SLC44A1: variants seen among roughly 807,000 people sequenced by gnomAD.
SLC44A1 encodes the protein solute carrier family 44 member 1.
SLC44A1 carries 26 observed loss-of-function variants against 79.3 expected under a neutral mutation model. The ratio of observed to expected loss-of-function variants is 0.33; its 90% confidence interval spans 0.24 to 0.46. SLC44A1 has a LOEUF of 0.46. Ranked by LOEUF, SLC44A1 falls within the 20% of genes least tolerant of loss-of-function variation. The pLI, the probability that SLC44A1 is intolerant of heterozygous loss-of-function variation, is 1.00. For synonymous variants in SLC44A1, 263 were observed against 286.2 expected (o/e 0.92, Z 0.82); for missense variants, 688 against 798.1 (o/e 0.86, Z 1.66).
chr9:105,276,057 C>T (rs985967750), intron 1 of SLC44A1, among the ~76,000 whole-genome samples: 4 of 152,172 alleles, frequency 2.6e-5, no homozygotes, highest in East Asian at 1.9e-4. Flanking sequence ...CCGCCCACCT[C>T]GGTCTCCCAA....
chr9:105,309,945 TAA>T (rs1831134568), intron 3 of SLC44A1, 79 bp downstream of exon 3: 2 of 1,400,286 alleles, frequency 1.4e-6, no homozygotes, highest in Non-Finnish European at 1.9e-6. Flanking sequence ...CTTGCTGTTT[TAA>T]AGATAATATC....
Position 105,366,439 on chromosome 9 carries a change from T to A in SLC44A1, c.1494+10T>A. ...AAATTATTTAAATCAGGTAAAATATTTTAAAAATAAATCTAATATTTACTT... is the reference window on the plus strand; with the variant it reads ...AAATTATTTAAATCAGGTAAAATATATTAAAAATAAATCTAATATTTACTT... On this transcript the variant is annotated intron_variant, in intron 12 of 15. Coordinates refer to ENST00000374720, the MANE Select transcript of SLC44A1 (RefSeq NM_080546.5). The A allele has an allele frequency of 8.0e-7, 1 of 1,251,570 alleles. No individual in the cohort carries two copies. Among genetic ancestry groups the A allele is most frequent in the East Asian group, 2.7e-5 (1 of 36,712 alleles). The allele number at this position is 1,251,570 out of a possible 1,614,324, so 77.5% of individuals were successfully genotyped here.
intron 1 of SLC44A1, among the ~76,000 whole-genome samples, chr9:105,262,564 T>C (rs1829866326): frequency 6.6e-6 from 1 of 152,272 alleles, no homozygotes; most frequent in South Asian, 2.1e-4. Context: ...TCTGTCGTTG[T>C]TGACTAACCT....
At chr9:105,401,981 G>T (rs968016743), downstream of SLC44A1, among the ~76,000 whole-genome samples, 1 of 152,110 alleles carries the variant, frequency 6.6e-6, no homozygotes, top group African/African-American at 2.4e-5. Flanking sequence ...GGATAAGCAG[G>T]GATTAGCCAG....
intron 3 of SLC44A1, among the ~76,000 whole-genome samples, chr9:105,327,307 G>T (rs1305836877): frequency 1.3e-5 from 2 of 151,770 alleles, no homozygotes; most frequent in Non-Finnish European, 1.5e-5. Flanking sequence ...TTTTGAGACT[G>T]AGTCTCACTC....
intron 3 of SLC44A1, among the ~76,000 whole-genome samples, chr9:105,316,876 TA>T (rs1189971952): frequency 6.6e-6 from 1 of 152,234 alleles, no homozygotes; most frequent in Non-Finnish European, 1.5e-5. Context: ...TGAAGTTCTG[TA>T]AATCGGAAAC....
intron 1 of SLC44A1, among the ~76,000 whole-genome samples, chr9:105,272,073 A>G (rs1199355873): frequency 6.6e-6 from 1 of 152,234 alleles, no homozygotes; most frequent in Non-Finnish European, 1.5e-5. Context: ...AACAGTATCT[A>G]ATAGAGTAGC....
downstream of SLC44A1, among the ~76,000 whole-genome samples, chr9:105,402,183 C>A (rs1262519105): frequency 6.6e-6 from 1 of 152,070 alleles, no homozygotes; most frequent in African/African-American, 2.4e-5. Flanking sequence ...TTGTGGGGAG[C>A]CTGTGACAGG....
intron 3 of SLC44A1, among the ~76,000 whole-genome samples, chr9:105,330,827 C>T (rs750862352): frequency 3.3e-5 from 5 of 152,224 alleles, no homozygotes; most frequent in Non-Finnish European, 2.9e-5. Context: ...TACACATTTA[C>T]ATGCCTTACC....
rs767251101 is a variant in SLC44A1, at chr9:105,392,146, T to C, written c.*3090T>C. Reference sequence around the variant, plus strand: ...TAGCTAGAGCACTGAGATTGTATAATCCTTGCATGGATGAGCAGAGCTCAA... The same window carrying C: ...TAGCTAGAGCACTGAGATTGTATAACCCTTGCATGGATGAGCAGAGCTCAA... On this transcript the variant is annotated 3_prime_UTR_variant, in exon 16 of 16. Coordinates refer to ENST00000374720, the MANE Select transcript of SLC44A1 (RefSeq NM_080546.5). 4.1e-6 allele frequency: 4 copies of C among 985,298 alleles called. No individual in the cohort carries two copies. In the East Asian group the frequency reaches 4.5e-4, roughly 111 times the overall value. 61.0% of individuals were successfully genotyped at this position (985,298 alleles called of 1,614,324 possible).
chr9:105,341,270 G>T (rs1274137728), intron 4 of SLC44A1, among the ~76,000 whole-genome samples: 1 of 151,332 alleles, frequency 6.6e-6, no homozygotes, highest in African/African-American at 2.4e-5. Context: ...GGGAGGTGGA[G>T]GTTGCACTGA....
At chr9:105,401,866 A>G (rs1828962667), downstream of SLC44A1, among the ~76,000 whole-genome samples, 1 of 152,200 alleles carries the variant, frequency 6.6e-6, no homozygotes, top group African/African-American at 2.4e-5. Context: ...TAAGTAGCTC[A>G]CAGCCTAATG....
chr9:105,317,048 C>G (rs912760028), intron 3 of SLC44A1, among the ~76,000 whole-genome samples: 1 of 152,134 alleles, frequency 6.6e-6, no homozygotes, highest in Non-Finnish European at 1.5e-5. Context: ...CTCTTCCAAG[C>G]TCATTGAGGC....
At chr9:105,351,646 G>GAAAGAAAGAAAGAAAGA (rs1588819138) in intron 5 of SLC44A1, among the ~76,000 whole-genome samples, 2 of 147,520 alleles carry the variant, frequency 1.4e-5, no homozygotes, top group East Asian at 1.9e-4. Context: ...AAGAAAGAAA[G>GAAAGAAAGAAAGAAAGA]AAAGAAAGAA....
At chr9:105,247,154 T>C (rs997663352) in intron 1 of SLC44A1, among the ~76,000 whole-genome samples, 2 of 152,036 alleles carry the variant, frequency 1.3e-5, no homozygotes, top group Non-Finnish European at 2.9e-5. Context: ...ATGTTACTAA[T>C]CGGCTGGTAT....
Position 105,389,297 on chromosome 9 carries a change from A to C in SLC44A1, c.*241A>C. On this transcript the variant is annotated 3_prime_UTR_variant, in exon 16 of 16. Coordinates refer to ENST00000374720, the MANE Select transcript of SLC44A1 (RefSeq NM_080546.5). Reference sequence around the variant, plus strand: ...TTCATACGGGTGGCTTTTACAAGGCAACTTCCGTCATTTAATGTTTTCAAC... The same window carrying C: ...TTCATACGGGTGGCTTTTACAAGGCCACTTCCGTCATTTAATGTTTTCAAC... The C allele has an allele frequency of 8.3e-7, 1 of 1,199,496 alleles. No individual in the cohort carries two copies. Among genetic ancestry groups the C allele is most frequent in the Non-Finnish European group, 1.0e-6 (1 of 966,026 alleles). The allele number at this position is 1,199,496 out of a possible 1,614,324, so 74.3% of individuals were successfully genotyped here.
At chr9:105,251,670 C>G (rs1045488215) in intron 1 of SLC44A1, among the ~76,000 whole-genome samples, 2 of 152,152 alleles carry the variant, frequency 1.3e-5, no homozygotes, top group African/African-American at 4.8e-5. Flanking sequence ...ACAGATTCTT[C>G]AGTTGGTTGT....
chr9:105,337,577 A>C (rs1826962068), intron 4 of SLC44A1, among the ~76,000 whole-genome samples: 1 of 152,176 alleles, frequency 6.6e-6, no homozygotes, highest in South Asian at 2.1e-4. Context: ...CTAGAACTTC[A>C]ATCAATGCTA....
chr9:105,283,809 T>C (rs970247111), intron 1 of SLC44A1, among the ~76,000 whole-genome samples: 11 of 152,230 alleles, frequency 7.2e-5, no homozygotes, highest in African/African-American at 2.7e-4. Context: ...TGTCTGTAAT[T>C]GCAATAAGCT....
Sources: allele counts gnomAD v4.1 joint callset (sites outside exome capture counted in the v4.1 genomes callset), GRCh38; gene constraint gnomAD v4.1.1; transcripts MANE v1.5; gene names NCBI Gene and HGNC (gene_info 2026-07-23, HGNC 2026-07-21).